The following UST variants were observed in gnomAD, a reference collection of about 807,000 sequenced individuals.
The protein encoded by UST is uronyl 2-sulfotransferase, also known as chondroitin sulfate 2-O-sulfotransferase.
Under a neutral mutation model 45.6 loss-of-function variants are expected in UST, and 21 were observed. The observed-to-expected ratio is 0.46, with a 90% CI of 0.33 to 0.66. The LOEUF (loss-of-function observed/expected upper bound fraction) is 0.66. UST is among the 30% of genes least tolerant of loss of function. The probability of loss-of-function intolerance (pLI) is 0.02; values close to 1 mark genes in which losing one functional copy is unlikely to be tolerated. For missense variants in UST, 463 were observed against 512.4 expected (o/e 0.90, Z 0.93); for synonymous variants, 215 against 200.6 (o/e 1.07, Z -0.61).
At chr6:148,990,969 A>G (rs1248924292) in intron 5 of UST, among the ~76,000 whole-genome samples, 2 of 152,220 alleles carry the variant, frequency 1.3e-5, no homozygotes, top group Admixed American at 6.5e-5. Context: ...GCCCTGGAAC[A>G]GGAGTGAACA....
chr6:148,849,557 G>A (rs955037689), intron 1 of UST, among the ~76,000 whole-genome samples: 1 of 152,130 alleles, frequency 6.6e-6, no homozygotes, highest in African/African-American at 2.4e-5. Context: ...ATTTTTAAAG[G>A]AAAGAGATTT....
chr6:149,043,706 C>A (rs993221154), intron 7 of UST, among the ~76,000 whole-genome samples: 1 of 152,288 alleles, frequency 6.6e-6, no homozygotes, highest in African/African-American at 2.4e-5. Context: ...CCATCTTGTT[C>A]AGAGCCAGGA....
intron 1 of UST, among the ~76,000 whole-genome samples, chr6:148,767,391 A>C (rs1217061988): frequency 2.0e-5 from 3 of 152,238 alleles, no homozygotes; most frequent in Non-Finnish European, 4.4e-5. Flanking sequence ...AATATAGGCT[A>C]TTTGGAGTTT....
chr6:148,850,423 C>T (rs1778081582), intron 1 of UST, among the ~76,000 whole-genome samples: 1 of 152,204 alleles, frequency 6.6e-6, no homozygotes, highest in South Asian at 2.1e-4. Flanking sequence ...CAAACCAGCA[C>T]ATTTCATCTA....
At chr6:148,957,450 T>C (rs1780538104) in intron 4 of UST, among the ~76,000 whole-genome samples, 1 of 152,154 alleles carries the variant, frequency 6.6e-6, no homozygotes, top group Admixed American at 6.5e-5. Context: ...CCTTTGACAT[T>C]ACTTTTTTTT....
intron 1 of UST, among the ~76,000 whole-genome samples, chr6:148,822,808 T>G (rs953695904): frequency 2.6e-5 from 4 of 152,220 alleles, no homozygotes; most frequent in Non-Finnish European, 5.9e-5. Context: ...TGGAAGAACT[T>G]GAAAAGGCAA....
At chr6:148,754,004 T>TTTG (rs1440402249) in intron 1 of UST, among the ~76,000 whole-genome samples, 1 of 151,918 alleles carries the variant, frequency 6.6e-6, no homozygotes, top group African/African-American at 2.4e-5. Flanking sequence ...GATTTTTTTT[T>TTTG]TTTTTTTGAG....
intron 7 of UST, among the ~76,000 whole-genome samples, chr6:149,022,386 C>T (rs1318240403): frequency 6.6e-6 from 1 of 151,928 alleles, no homozygotes; most frequent in Non-Finnish European, 1.5e-5. Flanking sequence ...GATCACCTGA[C>T]GTCAGGAGTT....
intron 1 of UST, among the ~76,000 whole-genome samples, chr6:148,764,565 G>C (rs953314737): frequency 6.6e-6 from 1 of 152,142 alleles, no homozygotes; most frequent in African/African-American, 2.4e-5. Flanking sequence ...GCCGGTCTGA[G>C]AAATAAAGGG....
intron 1 of UST, among the ~76,000 whole-genome samples, chr6:148,754,243 G>A (rs1222610557): frequency 3.3e-5 from 5 of 152,030 alleles, no homozygotes; most frequent in Non-Finnish European, 5.9e-5. Flanking sequence ...TGATTCGCCC[G>A]CCTCGGCCTC....
rs998045793 is a variant in UST at position 148,963,532 on chromosome 6, A to G, written c.528-878A>G. 2.0e-5 allele frequency among the ~76,000 whole-genome samples: 3 copies of G among 152,220 alleles called. No homozygotes were observed. In the South Asian group the frequency reaches 6.2e-4, roughly 31 times the overall value. The stretch of plus-strand genomic sequence containing the variant: ...TTTAGTGGATTCATCTAATCCTTTC[A>G]TGGAAGGAATTAAAATGGAACACCT... On this transcript the variant is annotated intron_variant, in intron 4 of 7. Coordinates refer to ENST00000367463, the MANE Select transcript of UST (RefSeq NM_005715.3).
At chr6:148,837,722 G>T (rs1006773091) in intron 1 of UST, among the ~76,000 whole-genome samples, 1 of 150,820 alleles carries the variant, frequency 6.6e-6, no homozygotes, top group African/African-American at 2.4e-5. Flanking sequence ...TTGAGACAGG[G>T]TCTCACTTTA....
intron 5 of UST, among the ~76,000 whole-genome samples, chr6:148,985,190 G>T (rs948984115): frequency 1.3e-5 from 2 of 152,186 alleles, no homozygotes; most frequent in Non-Finnish European, 2.9e-5. Context: ...GGAATTGGAA[G>T]TTATCAGTAT....
chr6:148,915,333 C>G (rs1015319930), intron 2 of UST, among the ~76,000 whole-genome samples: 5 of 152,244 alleles, frequency 3.3e-5, no homozygotes, highest in African/African-American at 1.2e-4. Flanking sequence ...CATATTTTTG[C>G]GTGTATGTCT....
At chr6:148,764,871 C>G (rs560383795) in intron 1 of UST, among the ~76,000 whole-genome samples, 1 of 152,170 alleles carries the variant, frequency 6.6e-6, no homozygotes, top group Non-Finnish European at 1.5e-5. Flanking sequence ...TAGAATTTGA[C>G]AGGCTGGAAT....
chr6:148,957,300 A>G (rs1224802419), intron 4 of UST, among the ~76,000 whole-genome samples: 1 of 152,246 alleles, frequency 6.6e-6, no homozygotes, highest in Non-Finnish European at 1.5e-5. Context: ...TGACAAGATT[A>G]TGATTGTTCC....
intron 1 of UST, among the ~76,000 whole-genome samples, chr6:148,757,612 G>A (rs1776122088): frequency 6.6e-6 from 1 of 152,132 alleles, no homozygotes; most frequent in African/African-American, 2.4e-5. Flanking sequence ...TTAAGTCATG[G>A]CTTTGATTAG....
chr6:148,877,628 G>GA (rs1778706014), intron 1 of UST, among the ~76,000 whole-genome samples: 1 of 134,992 alleles, frequency 7.4e-6, no homozygotes, highest in African/African-American at 2.8e-5. Context: ...AGTGTGAGGG[G>GA]TCGTGTATGA....
intron 1 of UST, among the ~76,000 whole-genome samples, chr6:148,796,212 C>A (rs903720166): frequency 5.3e-5 from 8 of 152,126 alleles, no homozygotes; most frequent in African/African-American, 1.9e-4. Context: ...TATCCATACA[C>A]CTACAAGGGA....
Sources: gnomAD v4.1 joint callset for allele counts (sites outside exome capture counted in the v4.1 genomes callset) on GRCh38, gnomAD v4.1.1 for gene constraint, MANE v1.5 for transcripts, NCBI Gene and HGNC (gene_info 2026-07-23, HGNC 2026-07-21) for gene names.